The following CMC1 variants were observed in gnomAD, a reference collection of about 807,000 sequenced individuals.
The protein encoded by CMC1 is COX assembly mitochondrial protein homolog.
In CMC1, 14 loss-of-function variants were observed where a neutral mutation model predicts 14.1. The ratio of observed to expected loss-of-function variants is 0.99; its 90% confidence interval spans 0.66 to 1.55. The LOEUF is 1.55. CMC1 is among the 40% of genes most tolerant of loss of function. The pLI is 0.00. For synonymous variants in CMC1, 50 were observed against 38.4 expected (o/e 1.30, Z -1.12); for missense variants, 127 against 123.8 (o/e 1.03, Z -0.12).
rs1011318935 is a variant in CMC1 at position 28,262,300 on chromosome 3, G to T, written c.20-991G>T. Among the ~76,000 whole-genome samples, 6 of 152,086 alleles carry T rather than the reference G, an allele frequency of 3.9e-5. No individual in the cohort carries two copies. In the South Asian group the frequency reaches 1.2e-3, roughly 32 times the overall value. On this transcript the variant is annotated intron_variant, in intron 1 of 3. Transcript: ENST00000466830. Reference sequence around the variant, plus strand: ...GGTCCATTGCTGTCTGAGGACTCAGGTCTTTGTATTTGCCTCAGTATATTT... The same window carrying T: ...GGTCCATTGCTGTCTGAGGACTCAGTTCTTTGTATTTGCCTCAGTATATTT...
At chr3:28,246,185 C>CAA (rs879872776) in intron 1 of CMC1, among the ~76,000 whole-genome samples, 2 of 131,100 alleles carry the variant, frequency 1.5e-5, no homozygotes, top group Non-Finnish European at 3.3e-5. Context: ...TGGCTCAGAA[C>CAA]AAAAAAAAAA....
rs1703228515 is a variant in CMC1 at position 28,322,830 on chromosome 3, G to T, written c.*3201G>T. ...TGCTATTCAGTAATACAGTAGAAGA[G>T]ATCTGAGATATTGAGTTCAAGATAT... On this transcript the variant is annotated 3_prime_UTR_variant, in exon 4 of 4. Coordinates refer to ENST00000466830, the MANE Select transcript of CMC1 (RefSeq NM_182523.2). 1 of 148,996 alleles carries T rather than the reference G, an allele frequency of 6.7e-6. No homozygotes were observed. The highest frequency in any genetic ancestry group is 1.9e-4 in the East Asian group (1 of 5,158). The allele number at this position is 148,996 out of a possible 1,614,324, so 9.2% of individuals were successfully genotyped here.
At chr3:28,258,311 C>G (rs1309710573) in intron 1 of CMC1, among the ~76,000 whole-genome samples, 2 of 151,334 alleles carry the variant, frequency 1.3e-5, no homozygotes, top group Non-Finnish European at 2.9e-5. Context: ...TTAGTGAAGT[C>G]AAATTTATAA....
chr3:28,259,604 C>T (rs1184559482), intron 1 of CMC1, among the ~76,000 whole-genome samples: 2 of 152,060 alleles, frequency 1.3e-5, no homozygotes, highest in Admixed American at 1.3e-4. Context: ...TATATGACAT[C>T]TGCATCATGA....
At chr3:28,248,097 T>TA (rs1393927800) in intron 1 of CMC1, among the ~76,000 whole-genome samples, 1 of 152,168 alleles carries the variant, frequency 6.6e-6, no homozygotes, top group African/African-American at 2.4e-5. Context: ...CTTTTAGATA[T>TA]AAAATCCTTT....
At chr3:28,308,420 C>T (rs1203499879) in intron 2 of CMC1, among the ~76,000 whole-genome samples, 2 of 151,924 alleles carry the variant, frequency 1.3e-5, no homozygotes, top group African/African-American at 4.8e-5. Flanking sequence ...CTTTTCTTAT[C>T]GTAGTTATTT....
intron 2 of CMC1, among the ~76,000 whole-genome samples, chr3:28,306,603 T>C (rs1297912283): frequency 6.6e-6 from 1 of 152,138 alleles, no homozygotes; most frequent in Admixed American, 6.6e-5. Flanking sequence ...TCTAAATATA[T>C]AATAATTGTT....
intron 1 of CMC1, among the ~76,000 whole-genome samples, chr3:28,259,669 A>G (rs1699629621): frequency 6.6e-6 from 1 of 152,126 alleles, no homozygotes; most frequent in South Asian, 2.1e-4. Context: ...TTTTATTTTG[A>G]AATATAGACT....
chr3:28,283,566 AAGAAAAG>A (rs1465568658), intron 2 of CMC1, among the ~76,000 whole-genome samples: 4 of 134,026 alleles, frequency 3.0e-5, no homozygotes, highest in Admixed American at 7.6e-5. Flanking sequence ...AAAAAAAAAA[AAGAAAAG>A]AAGAAAGAAA....
chr3:28,302,117 T>G (rs1258263269), intron 2 of CMC1, among the ~76,000 whole-genome samples: 1 of 152,212 alleles, frequency 6.6e-6, no homozygotes, highest in Non-Finnish European at 1.5e-5. Context: ...ATAAGTAGTA[T>G]TTAATGGTCA....
At chr3:28,255,701 AT>A (rs1699365414) in intron 1 of CMC1, among the ~76,000 whole-genome samples, 1 of 146,308 alleles carries the variant, frequency 6.8e-6, no homozygotes, top group Non-Finnish European at 1.5e-5. Context: ...GTTAAAAAAA[AT>A]GTATATATAT....
intron 1 of CMC1, among the ~76,000 whole-genome samples, chr3:28,247,656 T>G (rs1202193267): frequency 3.3e-5 from 5 of 152,188 alleles, no homozygotes; most frequent in Non-Finnish European, 7.3e-5. Context: ...CTGAATCTGT[T>G]AGGAATCTTA....
chr3:28,302,941 A>T (rs1201784623), intron 2 of CMC1, among the ~76,000 whole-genome samples: 2 of 152,194 alleles, frequency 1.3e-5, no homozygotes, highest in Non-Finnish European at 2.9e-5. Context: ...GAAAGGAATA[A>T]GTGAGATCCA....
intron 2 of CMC1, among the ~76,000 whole-genome samples, chr3:28,285,820 G>A (rs917911313): frequency 6.7e-6 from 1 of 150,174 alleles, no homozygotes; most frequent in African/African-American, 2.5e-5. Flanking sequence ...AGGCTGGAGT[G>A]CAGTGGCGCG....
At chr3:28,260,807 C>T (rs1399365314) in intron 1 of CMC1, among the ~76,000 whole-genome samples, 1 of 152,052 alleles carries the variant, frequency 6.6e-6, no homozygotes, top group Admixed American at 6.6e-5. Flanking sequence ...TCATTCATAT[C>T]AAAATACTTT....
Position 28,321,819 on chromosome 3 carries a change from C to G in CMC1, c.*2190C>G, listed in dbSNP as rs973879436. 6.6e-6 allele frequency: 1 copy of G among 151,308 alleles called. No individual in the cohort carries two copies. Among genetic ancestry groups the G allele is most frequent in the Non-Finnish European group, 1.5e-5 (1 of 67,512 alleles). The allele number at this position is 151,308 out of a possible 1,614,324, so 9.4% of individuals were successfully genotyped here. ...GTAAGTCTTACAGATGTAAATTTTA[C>G]TTTAGCTAATAAGGGAGCAAGAGGA... On this transcript the variant is annotated 3_prime_UTR_variant, in exon 4 of 4. Transcript: ENST00000466830.
At chr3:28,288,380 T>C (rs1701305964) in intron 2 of CMC1, among the ~76,000 whole-genome samples, 2 of 152,056 alleles carry the variant, frequency 1.3e-5, no homozygotes, top group African/African-American at 4.8e-5. Context: ...CTACTTTATC[T>C]CCATCTTGTG....
At chr3:28,295,990 G>T (rs1701723002) in intron 2 of CMC1, among the ~76,000 whole-genome samples, 1 of 152,022 alleles carries the variant, frequency 6.6e-6, no homozygotes, top group Admixed American at 6.6e-5. Context: ...TATAGAATAA[G>T]AATTTTCATG....
intron 2 of CMC1, chr3:28,294,580 C>A: frequency 2.5e-6 from 1 of 404,268 alleles, no homozygotes; most frequent in Non-Finnish European, 3.3e-6. Flanking sequence ...AAATAAAATG[C>A]TTTAGTCATG....
Sources: allele counts gnomAD v4.1 joint callset (sites outside exome capture counted in the v4.1 genomes callset), GRCh38; gene constraint gnomAD v4.1.1; transcripts MANE v1.5; gene names NCBI Gene and HGNC (gene_info 2026-07-23, HGNC 2026-07-21).